Variants in VIPR2 observed in about 807,000 individuals in gnomAD.
VIPR2 encodes vasoactive intestinal polypeptide receptor 2.
VIPR2 carries 48 observed loss-of-function variants against 58.0 expected under a neutral mutation model. The ratio of observed to expected loss-of-function variants is 0.83; its 90% confidence interval spans 0.66 to 1.05. VIPR2 has a LOEUF of 1.05. Among genes scored for constraint, VIPR2 ranks in the 50% least tolerant of loss-of-function variants. VIPR2 has a pLI of 0.00. For synonymous variants in VIPR2, 243 were observed against 235.2 expected, an observed-to-expected ratio of 1.03 and a Z score of -0.30; for missense variants, 534 against 558.0, an observed-to-expected ratio of 0.96 and a Z score of 0.43.
intron 4 of VIPR2, among the ~76,000 whole-genome samples, chr7:159,082,084 A>G (rs1856933112): frequency 6.6e-6 from 1 of 152,236 alleles, no homozygotes; most frequent in Non-Finnish European, 1.5e-5. Context: ...ACAACTAGAA[A>G]TACCATTTGA....
chr7:159,036,380 C>A (rs1191609644), intron 7 of VIPR2, among the ~76,000 whole-genome samples: 2 of 152,124 alleles, frequency 1.3e-5, no homozygotes, highest in Admixed American at 6.5e-5. Flanking sequence ...CAAATTTGCA[C>A]CCCTTTCCAA....
At chr7:159,035,104 G>A (rs770511736) in intron 8 of VIPR2, among the ~76,000 whole-genome samples, 11 of 152,166 alleles carry the variant, frequency 7.2e-5, no homozygotes, top group Non-Finnish European at 1.2e-4. Context: ...CAGCGCATGG[G>A]GTGTCTCCAG....
At chr7:159,051,078 G>A (rs1206191893) in intron 5 of VIPR2, among the ~76,000 whole-genome samples, 1 of 152,128 alleles carries the variant, frequency 6.6e-6, no homozygotes, top group Non-Finnish European at 1.5e-5. Flanking sequence ...CACTGCTGGT[G>A]GGACTGTGCT....
In VIPR2 at chr7:159,131,987, C is replaced by T. The variant is rs374325419; in HGVS notation, c.151+10459G>A. 9.3e-4 allele frequency among the ~76,000 whole-genome samples: 141 copies of T among 152,228 alleles called. 1 individual carries two copies. Among genetic ancestry groups the T allele is most frequent in the African/African-American group, 2.1e-3 (89 of 41,520 alleles). Reference sequence around the variant, plus strand: ...ATCAACGAGGGACTTTCCAATGGGACAGAACAAATAAGGCAGCTGTGCAAG... The same window carrying T: ...ATCAACGAGGGACTTTCCAATGGGATAGAACAAATAAGGCAGCTGTGCAAG... On this transcript the variant is annotated intron_variant, in intron 2 of 12. Transcript: ENST00000262178.
chr7:159,130,354 T>C (rs1167493921), intron 2 of VIPR2, among the ~76,000 whole-genome samples: 1 of 152,184 alleles, frequency 6.6e-6, no homozygotes, highest in Non-Finnish European at 1.5e-5. Flanking sequence ...TATAAATGAT[T>C]GGCAGCCATT....
chr7:159,068,123 C>T (rs192427991), intron 4 of VIPR2, among the ~76,000 whole-genome samples: 2 of 152,338 alleles, frequency 1.3e-5, no homozygotes, highest in Non-Finnish European at 1.5e-5. Context: ...ATATCAAGCA[C>T]GTCCTAGAAC....
intron 4 of VIPR2, among the ~76,000 whole-genome samples, chr7:159,077,799 G>C (rs1327302035): frequency 1.4e-5 from 2 of 146,794 alleles, no homozygotes; most frequent in African/African-American, 5.1e-5. Context: ...GAGGTACTAA[G>C]GTGTACCTGT....
chr7:159,063,283 G>GC lies in VIPR2; in HGVS notation c.358-4706dup, dbSNP rs562496360. On this transcript the variant is annotated intron_variant, in intron 4 of 12. Transcript: ENST00000262178. ...GGCTGCAGGTCCCGAGCCCTGCCCT[G>GC]CGGGGAGGCAGCTGAGGCCCCGCGA... Among the ~76,000 whole-genome samples the GC allele has an allele frequency of 6.6e-4, 100 of 152,258 alleles. 1 individual carries two copies. The highest frequency in any genetic ancestry group is 2.4e-3 in the African/African-American group (98 of 41,568).
At chr7:159,034,123 G>A (rs1020164399) in intron 10 of VIPR2, 90 bp downstream of exon 10, 15 of 1,327,944 alleles carry the variant, frequency 1.1e-5, no homozygotes, top group Admixed American at 7.4e-5. Flanking sequence ...CGGAGTCGCC[G>A]CACCTCCAGG....
chr7:159,065,090 C>T (rs1199796930), intron 4 of VIPR2, among the ~76,000 whole-genome samples: 2 of 152,214 alleles, frequency 1.3e-5, no homozygotes, highest in African/African-American at 4.8e-5. Flanking sequence ...GAACCCCACA[C>T]GATTCCTCCT....
Position 159,050,730 on chromosome 7 carries a change from A to G in VIPR2, c.456-7554T>C, listed in dbSNP as rs10263883. ...AAGGAGCAGTATTTGAAGAGATGCTAGCCACAAGGTTTTTTGAAACTGACA... is the reference window on the plus strand; with the variant it reads ...AAGGAGCAGTATTTGAAGAGATGCTGGCCACAAGGTTTTTTGAAACTGACA... On this transcript the variant is annotated intron_variant, in intron 5 of 12. Coordinates refer to ENST00000262178, the MANE Select transcript of VIPR2 (RefSeq NM_003382.5). Among the ~76,000 whole-genome samples, 469 of 152,306 alleles carry G rather than the reference A, an allele frequency of 3.1e-3. 5 individuals are homozygous for G. Among genetic ancestry groups the G allele is most frequent in the African/African-American group, 0.01 (427 of 41,568 alleles).
rs764568382 is a variant in VIPR2 at position 159,036,855 on chromosome 7, G to A, written c.645C>T (p.Ala215=). The A allele has an allele frequency of 6.2e-7, 1 of 1,614,058 alleles. No homozygotes were observed. The highest frequency in any genetic ancestry group is 1.7e-5 in the Admixed American group (1 of 60,016). ...CCTCCACCAGCAGCCAGAAGAAGTT[G>A]GCCATGATGCAGTACTGCAGGAAGA... ...SLVFLQYCIM[A]NFFWLLVEGL... The change falls in exon 7 of 13, where the codon GCC becomes GCT. Residue 215 remains alanine (A), a synonymous_variant. Transcript: ENST00000262178.
intron 5 of VIPR2, among the ~76,000 whole-genome samples, chr7:159,043,549 A>C (rs1854471888): frequency 6.6e-6 from 1 of 151,998 alleles, no homozygotes; most frequent in Admixed American, 6.5e-5. Context: ...ACAACAACAA[A>C]GATACTCAAA....
At chr7:159,049,788 G>C (rs1247116935) in intron 5 of VIPR2, among the ~76,000 whole-genome samples, 3 of 152,156 alleles carry the variant, frequency 2.0e-5, no homozygotes. Flanking sequence ...TTCCCTTCAT[G>C]GGGGAGTCCC....
intron 4 of VIPR2, among the ~76,000 whole-genome samples, chr7:159,069,559 C>T (rs1856274055): frequency 6.6e-6 from 1 of 152,168 alleles, no homozygotes; most frequent in Non-Finnish European, 1.5e-5. Context: ...CACAAAAACT[C>T]TGGAAAACCT....
intron 1 of VIPR2, chr7:159,144,240 A>G (rs1167273260): frequency 3.1e-5 from 41 of 1,318,998 alleles, no homozygotes; most frequent in Non-Finnish European, 3.7e-5. Flanking sequence ...AAAAGCAACT[A>G]TTTCCAAAAG....
In VIPR2 at chr7:159,097,216, G is replaced by A. The variant is rs981518210; in HGVS notation, c.357+6541C>T. On this transcript the variant is annotated intron_variant, in intron 4 of 12. Coordinates refer to ENST00000262178, the MANE Select transcript of VIPR2 (RefSeq NM_003382.5). This position sits in a 1 kb window ranked among gnomAD's most constrained non-coding sequence, Gnocchi z 5.3. Reference sequence around the variant, plus strand: ...GGGGAGTGAAGTTTGCCATCAGTGGGAACGAGTCACTGCGGTGGCCTGAGT... The same window carrying A: ...GGGGAGTGAAGTTTGCCATCAGTGGAAACGAGTCACTGCGGTGGCCTGAGT... The A allele has an allele frequency of 4.9e-6, 7 of 1,424,696 alleles. No homozygotes were observed. In the African/African-American group the frequency reaches 1.0e-4, roughly 20 times the overall value. 88.3% of individuals were successfully genotyped at this position (1,424,696 alleles called of 1,614,324 possible).
At chr7:159,104,055 G>A (rs576454448) in intron 3 of VIPR2, among the ~76,000 whole-genome samples, 3 of 152,152 alleles carry the variant, frequency 2.0e-5, no homozygotes, top group Non-Finnish European at 4.4e-5. Context: ...TCTCGGGGCC[G>A]GTGGGTCCTG....
intron 4 of VIPR2, among the ~76,000 whole-genome samples, chr7:159,090,451 C>A (rs1258906902): frequency 1.4e-5 from 1 of 72,302 alleles, no homozygotes; most frequent in Admixed American, 1.2e-4. Context: ...CTATCACAAT[C>A]CCCGGTGACC....
Sources: allele counts gnomAD v4.1 joint callset (sites outside exome capture counted in the v4.1 genomes callset), GRCh38; gene constraint gnomAD v4.1.1; non-coding constraint Gnocchi (gnomAD v3.1); transcripts MANE v1.5; gene names NCBI Gene and HGNC (gene_info 2026-07-23, HGNC 2026-07-21).